The following ADGRG6 variants were observed in gnomAD, a reference collection of about 807,000 sequenced individuals.
ADGRG6 encodes the protein G-protein coupled receptor 126.
A neutral mutation model predicts 142.4 loss-of-function variants in ADGRG6; 84 were observed. That is an observed-to-expected ratio of 0.59 (90% CI 0.49 to 0.71). The LOEUF is 0.71. ADGRG6 is among the 30% of genes least tolerant of loss of function. The pLI is 0.00. For missense variants in ADGRG6, 1,367 were observed against 1,466.6 expected (o/e 0.93, Z 1.11); for synonymous variants, 521 against 520.5 (o/e 1.00, Z -0.01).
intron 2 of ADGRG6, among the ~76,000 whole-genome samples, chr6:142,349,396 T>G (rs1780054696): frequency 6.6e-6 from 1 of 152,204 alleles, no homozygotes; most frequent in South Asian, 2.1e-4. Context: ...CCCATGTAGC[T>G]GGAATGCCCC....
At chr6:142,400,179 C>T (rs1775433465) in intron 10 of ADGRG6, among the ~76,000 whole-genome samples, 1 of 152,090 alleles carries the variant, frequency 6.6e-6, no homozygotes, top group South Asian at 2.1e-4. Flanking sequence ...TTGAATAAAA[C>T]TAGTATCTGC....
At chr6:142,302,533 G>A (rs1777276742) in intron 1 of ADGRG6, 4 of 546,728 alleles carry the variant, frequency 7.3e-6, no homozygotes, top group South Asian at 5.6e-5. Context: ...GTTGTGACAT[G>A]TGTGTGTGGC....
At chr6:142,344,663 T>G (rs2114739597) in intron 2 of ADGRG6, among the ~76,000 whole-genome samples, 1 of 152,036 alleles carries the variant, frequency 6.6e-6, no homozygotes, top group East Asian at 1.9e-4. Context: ...CCTCCAAAAA[T>G]TTTTCATAAA....
chr6:142,396,473 C>T (rs961660955), intron 9 of ADGRG6, among the ~76,000 whole-genome samples: 1 of 152,134 alleles, frequency 6.6e-6, no homozygotes, highest in Non-Finnish European at 1.5e-5. Flanking sequence ...TCTTTAATTT[C>T]ACCTAGCCTT....
intron 2 of ADGRG6, among the ~76,000 whole-genome samples, chr6:142,346,516 T>A (rs1353324680): frequency 6.6e-6 from 1 of 152,040 alleles, no homozygotes; most frequent in Non-Finnish European, 1.5e-5. Flanking sequence ...TTCTTGTAAA[T>A]TTTTCTGGGT....
At chr6:142,380,277 C>A (rs925771148) in intron 4 of ADGRG6, among the ~76,000 whole-genome samples, 10 of 152,122 alleles carry the variant, frequency 6.6e-5, no homozygotes, top group African/African-American at 2.4e-4. Flanking sequence ...GTCCAACCCT[C>A]TCTTCCATCA....
intron 13 of ADGRG6, 109 bp downstream of exon 13, chr6:142,402,939 C>A: frequency 1.7e-6 from 1 of 594,964 alleles, no homozygotes; most frequent in South Asian, 2.4e-5. Context: ...CAAATCTCTG[C>A]AAGATGTATT....
intron 2 of ADGRG6, among the ~76,000 whole-genome samples, chr6:142,359,755 G>A (rs1230759197): frequency 2.0e-5 from 3 of 152,188 alleles, no homozygotes. Context: ...TAAATGTTTA[G>A]TAAGTATTTA....
intron 22 of ADGRG6, among the ~76,000 whole-genome samples, chr6:142,434,974 C>T (rs1341859801): frequency 6.6e-6 from 1 of 151,982 alleles, no homozygotes; most frequent in African/African-American, 2.4e-5. Context: ...GTAAGCATAA[C>T]CTTAGACTTA....
chr6:142,408,043 G>A (rs1775897450), intron 15 of ADGRG6, 107 bp from the exon 16 acceptor site: 1 of 710,232 alleles, frequency 1.4e-6, no homozygotes, highest in Non-Finnish European at 2.3e-6. Flanking sequence ...TTCTAGAACT[G>A]AAGATCTTAA....
chr6:142,318,210 T>TTATATTATATATATG (rs1778294984), intron 2 of ADGRG6, among the ~76,000 whole-genome samples: 1 of 37,098 alleles, frequency 2.7e-5, no homozygotes. Context: ...TTATATATAT[T>TTATATTATATATATG]TATATATTAT....
At chr6:142,421,743 T>C in intron 22 of ADGRG6, among the ~76,000 whole-genome samples, 1 of 152,214 alleles carries the variant, frequency 6.6e-6, no homozygotes. Flanking sequence ...ATGGGTCCCC[T>C]GTCAGGAGGG....
At chr6:142,434,481 C>T (rs866104116) in intron 22 of ADGRG6, among the ~76,000 whole-genome samples, 1 of 152,032 alleles carries the variant, frequency 6.6e-6, no homozygotes, top group Non-Finnish European at 1.5e-5. Context: ...CCAACCACCA[C>T]ATCCGGCTAA....
At chr6:142,409,950 T>A in intron 17 of ADGRG6, 31 bp downstream of exon 17, 1 of 1,064,464 alleles carries the variant, frequency 9.4e-7, no homozygotes, top group Non-Finnish European at 1.4e-6. Context: ...TGTCTTAATA[T>A]AGATAACAAC....
At chr6:142,330,768 G>C (rs1177630668) in intron 2 of ADGRG6, among the ~76,000 whole-genome samples, 2 of 152,048 alleles carry the variant, frequency 1.3e-5, no homozygotes, top group African/African-American at 4.8e-5. Context: ...TTTTGAGGAG[G>C]AGGAATTTAC....
intron 5 of ADGRG6, among the ~76,000 whole-genome samples, chr6:142,383,224 A>C (rs1781854155): frequency 6.6e-6 from 1 of 152,176 alleles, no homozygotes; most frequent in African/African-American, 2.4e-5. Context: ...ACTTTTTGGA[A>C]TCTTTAAATG....
At chr6:142,327,927 T>C (rs1778857641) in intron 2 of ADGRG6, among the ~76,000 whole-genome samples, 1 of 152,174 alleles carries the variant, frequency 6.6e-6, no homozygotes, top group East Asian at 1.9e-4. Context: ...GTGTGTAATT[T>C]TTTTTTCAGT....
At chr6:142,325,956 GA>G (rs547227173) in intron 2 of ADGRG6, among the ~76,000 whole-genome samples, 6 of 151,128 alleles carry the variant, frequency 4.0e-5, no homozygotes, top group African/African-American at 1.2e-4. Flanking sequence ...ATGTAAGGTA[GA>G]AAAAAAACCC....
At chr6:142,325,241 A>G (rs549423902) in intron 2 of ADGRG6, among the ~76,000 whole-genome samples, 2 of 152,246 alleles carry the variant, frequency 1.3e-5, no homozygotes, top group South Asian at 2.1e-4. Context: ...TCTTGACCCA[A>G]CAATCCCTGT....
Sources: gnomAD v4.1 joint callset for allele counts (sites outside exome capture counted in the v4.1 genomes callset) on GRCh38, gnomAD v4.1.1 for gene constraint, MANE v1.5 for transcripts, NCBI Gene and HGNC (gene_info 2026-07-23, HGNC 2026-07-21) for gene names.